EPB41L4A: variants seen among roughly 807,000 people sequenced by gnomAD.
EPB41L4A encodes the protein band 4.1-like protein 4A.
A neutral mutation model predicts 108.6 loss-of-function variants in EPB41L4A; 100 were observed. That is an observed-to-expected ratio of 0.92 (90% CI 0.78 to 1.09). The LOEUF is 1.09. EPB41L4A is among the 50% of genes least tolerant of loss of function. The probability of loss-of-function intolerance (pLI) is 0.00; values close to 1 mark genes in which losing one functional copy is unlikely to be tolerated. For synonymous variants in EPB41L4A, 319 were observed against 289.0 expected, an observed-to-expected ratio of 1.10 and a Z score of -1.05; for missense variants, 1,030 against 842.7, an observed-to-expected ratio of 1.22 and a Z score of -2.75.
At chr5:112,232,425 G>T (rs1749023893) in intron 12 of EPB41L4A, among the ~76,000 whole-genome samples, 1 of 152,182 alleles carries the variant, frequency 6.6e-6, no homozygotes. Context: ...CAAAATAATA[G>T]TGATGTGGCA....
chr5:112,251,847 G>A (rs1454073036), intron 9 of EPB41L4A, among the ~76,000 whole-genome samples: 1 of 152,174 alleles, frequency 6.6e-6, no homozygotes, highest in Non-Finnish European at 1.5e-5. Flanking sequence ...CAGGAATGAA[G>A]AAGGAAGACA....
intron 11 of EPB41L4A, among the ~76,000 whole-genome samples, 177 bp from the exon 12 acceptor site, chr5:112,234,932 G>A (rs1027674091): frequency 1.3e-5 from 2 of 152,086 alleles, no homozygotes; most frequent in African/African-American, 2.4e-5. Flanking sequence ...AATTCTAGGA[G>A]GAGATTTACA....
chr5:112,286,429 T>C (rs1194472889), intron 2 of EPB41L4A, among the ~76,000 whole-genome samples: 2 of 152,206 alleles, frequency 1.3e-5, no homozygotes, highest in African/African-American at 4.8e-5. Context: ...TACATTTTAT[T>C]CCGTCATTCT....
intron 1 of EPB41L4A, among the ~76,000 whole-genome samples, chr5:112,393,993 T>G (rs1479400507): frequency 6.6e-6 from 1 of 152,038 alleles, no homozygotes; most frequent in Non-Finnish European, 1.5e-5. Context: ...AAAAATCACA[T>G]GATTATCTCA....
chr5:112,318,258 AAAAC>A (rs1257779786), intron 1 of EPB41L4A, among the ~76,000 whole-genome samples: 1 of 152,220 alleles, frequency 6.6e-6, no homozygotes, highest in Non-Finnish European at 1.5e-5. Context: ...CCAAAAGAAA[AAAAC>A]AAAGCAGTCC....
intron 1 of EPB41L4A, among the ~76,000 whole-genome samples, chr5:112,399,341 C>A (rs748073428): frequency 6.6e-6 from 1 of 152,086 alleles, no homozygotes; most frequent in African/African-American, 2.4e-5. Flanking sequence ...CTGTTGTATA[C>A]TCTCATGTCA....
chr5:112,272,863 T>A (rs903164220), intron 4 of EPB41L4A, among the ~76,000 whole-genome samples: 1 of 142,554 alleles, frequency 7.0e-6, no homozygotes, highest in Non-Finnish European at 1.5e-5. Context: ...TCAAAAAAAA[T>A]ACATAAAAGA....
At chr5:112,265,705 C>T (rs1051940597) in intron 5 of EPB41L4A, among the ~76,000 whole-genome samples, 4 of 152,206 alleles carry the variant, frequency 2.6e-5, no homozygotes, top group African/African-American at 4.8e-5. Flanking sequence ...GGTGTCTAAT[C>T]GTCACTGGAA....
At chr5:112,189,195 C>A (rs1177515331) in intron 17 of EPB41L4A, among the ~76,000 whole-genome samples, 1 of 152,160 alleles carries the variant, frequency 6.6e-6, no homozygotes, top group Non-Finnish European at 1.5e-5. Flanking sequence ...GGGAGCTGGT[C>A]CCCATTTTAC....
intron 1 of EPB41L4A, among the ~76,000 whole-genome samples, chr5:112,408,418 G>T (rs1476881685): frequency 6.6e-6 from 1 of 152,030 alleles, no homozygotes; most frequent in Non-Finnish European, 1.5e-5. Flanking sequence ...GTATAAAGAT[G>T]ACCCAAATGG....
Position 112,248,931 on chromosome 5 carries a change from C to A in EPB41L4A, c.796-8121G>T, listed in dbSNP as rs997319941. Among the ~76,000 whole-genome samples the A allele has an allele frequency of 8.5e-5, 13 of 152,086 alleles. 1 individual carries two copies. Among genetic ancestry groups the A allele is most frequent in the African/African-American group, 3.1e-4 (13 of 41,394 alleles). On this transcript the variant is annotated intron_variant, in intron 9 of 22. Transcript: ENST00000261486. ...TCCCTGTTTTTGTTTTGGGAAACAG[C>A]CACAACTGGACAGTCTACCTTCCCC...
At chr5:112,275,514 C>G in intron 3 of EPB41L4A, 110 bp from the exon 4 acceptor site, 2 of 1,266,760 alleles carry the variant, frequency 1.6e-6, no homozygotes, top group South Asian at 3.2e-5. Context: ...TCTAAAGAAA[C>G]AAGAAAACAT....
intron 1 of EPB41L4A, among the ~76,000 whole-genome samples, chr5:112,364,019 T>TCA (rs61211890): frequency 0.2 from 22,495 of 111,844 alleles, 1,892 homozygotes; most frequent in East Asian, 0.42. Context: ...TTTCATTCAT[T>TCA]TATTCATTCA....
intron 12 of EPB41L4A, 26 bp downstream of exon 12, chr5:112,234,608 G>T (rs1749195791): frequency 6.2e-7 from 1 of 1,608,962 alleles, no homozygotes; most frequent in African/African-American, 1.3e-5. Context: ...AGGTTACATA[G>T]ATAACTCAGG....
At chr5:112,327,305 G>A (rs1052837827) in intron 1 of EPB41L4A, among the ~76,000 whole-genome samples, 2 of 152,202 alleles carry the variant, frequency 1.3e-5, no homozygotes, top group Non-Finnish European at 2.9e-5. Flanking sequence ...AGCTCCTCGT[G>A]TTTAAATTAA....
intron 13 of EPB41L4A, among the ~76,000 whole-genome samples, chr5:112,207,682 T>C (rs569566432): frequency 8.5e-5 from 13 of 152,254 alleles, no homozygotes; most frequent in African/African-American, 3.1e-4. Context: ...ATGCTCAACA[T>C]CATTAATCAT....
intron 17 of EPB41L4A, among the ~76,000 whole-genome samples, chr5:112,193,591 G>A (rs529625006): frequency 1.3e-3 from 194 of 152,278 alleles, no homozygotes; most frequent in Non-Finnish European, 2.4e-3. Context: ...GTGAGCCACC[G>A]CACCTGGCCT....
downstream of EPB41L4A, chr5:112,160,611 TG>T (rs1759827709): frequency 6.5e-6 from 1 of 152,748 alleles, no homozygotes. Flanking sequence ...CCTGGTCGGG[TG>T]GGGGGATGTC....
At chr5:112,244,401 C>T (rs72798414) in intron 9 of EPB41L4A, among the ~76,000 whole-genome samples, 1,580 of 152,208 alleles carry the variant, frequency 0.01, 14 homozygotes, top group Non-Finnish European at 0.016. Context: ...GGTTCATTGT[C>T]ACGCATTGAG....
Sources: gnomAD v4.1 joint callset for allele counts (sites outside exome capture counted in the v4.1 genomes callset) on GRCh38, gnomAD v4.1.1 for gene constraint, MANE v1.5 for transcripts, NCBI Gene and HGNC (gene_info 2026-07-23, HGNC 2026-07-21) for gene names.